IRAK3: variants seen among roughly 807,000 people sequenced by gnomAD.
The protein encoded by IRAK3 is interleukin-1 receptor-associated kinase 3.
In IRAK3, 57 loss-of-function variants were observed where a neutral mutation model predicts 56.6. That is an observed-to-expected ratio of 1.01 (90% CI 0.81 to 1.26). IRAK3 has a LOEUF of 1.26. IRAK3 is among the 50% of genes most tolerant of loss of function. IRAK3 has a pLI of 0.00. For synonymous variants in IRAK3, 258 were observed against 255.7 expected (o/e 1.01, Z -0.09); for missense variants, 703 against 719.0 (o/e 0.98, Z 0.25).
At chr12:66,222,083 A>C (rs1473283168) in intron 6 of IRAK3, among the ~76,000 whole-genome samples, 1 of 152,190 alleles carries the variant, frequency 6.6e-6, no homozygotes, top group Admixed American at 6.5e-5. Flanking sequence ...AGCTTGCTAA[A>C]TTTGTTGAGG....
At chr12:66,219,097 C>T (rs1038397961) in intron 6 of IRAK3, among the ~76,000 whole-genome samples, 1 of 151,974 alleles carries the variant, frequency 6.6e-6, no homozygotes, top group African/African-American at 2.4e-5. Flanking sequence ...ATCCATTCCT[C>T]TGTCAATGGA....
intron 1 of IRAK3, among the ~76,000 whole-genome samples, chr12:66,201,335 T>C (rs2052505428): frequency 6.6e-6 from 1 of 152,176 alleles, no homozygotes; most frequent in Admixed American, 6.5e-5. Context: ...CTAAAGCCAG[T>C]TATGGTGGTG....
intron 4 of IRAK3, 46 bp from the exon 5 acceptor site, chr12:66,211,400 T>C: frequency 7.1e-7 from 1 of 1,417,106 alleles, no homozygotes; most frequent in Non-Finnish European, 1.0e-6. Flanking sequence ...ATAATGGTGA[T>C]GTTCCTTCTT....
rs1386428164 is a variant in IRAK3, at chr12:66,252,025, G to A, written c.*3854G>A. 6.6e-6 allele frequency: 1 copy of A among 152,218 alleles called. No individual in the cohort carries two copies. Among genetic ancestry groups the A allele is most frequent in the Non-Finnish European group, 1.5e-5 (1 of 68,050 alleles). 9.4% of individuals were successfully genotyped at this position (152,218 alleles called of 1,614,324 possible). A position where few individuals can be genotyped will look rare whatever the true frequency, so the allele number is the denominator to read the frequency against. On this transcript the variant is annotated 3_prime_UTR_variant, in exon 12 of 12. Coordinates refer to ENST00000261233, the MANE Select transcript of IRAK3 (RefSeq NM_007199.3). ...ACGGAATTAAGAGAAATAGAAAAGAGCACTGACGAAGCACTCAGGATGGCT... is the reference window on the plus strand; with the variant it reads ...ACGGAATTAAGAGAAATAGAAAAGAACACTGACGAAGCACTCAGGATGGCT...
In IRAK3 at chr12:66,211,482, T is replaced by C. The variant is rs558902279; in HGVS notation, c.473T>C (p.Ile158Thr). 1.2e-6 allele frequency: 2 copies of C among 1,602,424 alleles called. No individual in the cohort carries two copies. Among genetic ancestry groups the C allele is most frequent in the Non-Finnish European group, 1.7e-6 (2 of 1,169,162 alleles). Reference protein sequence around the residue: ...LLKSSISFQNIIEGTRNFHKD... With the variant: ...LLKSSISFQNTIEGTRNFHKD... ...AAATCTTCCATCAGCTTTCAAAATATCATAGAAGGAACTAGAAATTTCCAC... is the reference window on the plus strand; with the variant it reads ...AAATCTTCCATCAGCTTTCAAAATACCATAGAAGGAACTAGAAATTTCCAC... Residue 158 changes from isoleucine (I) to threonine (T), a missense_variant, in exon 5 of 12, where the codon ATC becomes ACC. Coordinates refer to ENST00000261233, the MANE Select transcript of IRAK3 (RefSeq NM_007199.3).
chr12:66,212,553 C>T (rs749468438), intron 5 of IRAK3, among the ~76,000 whole-genome samples: 2 of 152,132 alleles, frequency 1.3e-5, no homozygotes, highest in Non-Finnish European at 2.9e-5. Context: ...ATGAATAAGG[C>T]ATAGTTCTGT....
At chr12:66,211,623 A>G (rs748245004) in intron 5 of IRAK3, 26 bp downstream of exon 5, 1 of 1,573,338 alleles carries the variant, frequency 6.4e-7, no homozygotes. Context: ...CTGTCACAGG[A>G]CATCAGTTCC....
intron 6 of IRAK3, among the ~76,000 whole-genome samples, chr12:66,226,240 T>G (rs2052784181): frequency 6.7e-6 from 1 of 148,734 alleles, no homozygotes; most frequent in Non-Finnish European, 1.5e-5. Context: ...TTGTTAGAAT[T>G]TTTTTTTTTT....
At chr12:66,203,633 A>C in intron 1 of IRAK3, 78 bp from the exon 2 acceptor site, 1 of 1,266,332 alleles carries the variant, frequency 7.9e-7, no homozygotes, top group South Asian at 1.2e-5. Flanking sequence ...AGAGGAAATA[A>C]AACATTAGGT....
intron 8 of IRAK3, chr12:66,234,582 T>C: frequency 1.2e-6 from 2 of 1,611,742 alleles, no homozygotes; most frequent in Non-Finnish European, 1.7e-6. Context: ...CCATTAGGGA[T>C]GTATTTGTTT....
Position 66,248,018 on chromosome 12 carries a change from G to T in IRAK3, c.1638G>T (p.Lys546Asn). The T allele has an allele frequency of 1.9e-6, 3 of 1,597,926 alleles. No homozygotes were observed. The highest frequency in any genetic ancestry group is 2.6e-6 in the Non-Finnish European group (3 of 1,173,372). Residue 546 changes from lysine to asparagine, a missense_variant, in exon 12 of 12, where the codon AAG becomes AAT. Physicochemically the swap from Lys to Asn is moderately conservative, Grantham distance 94. Coordinates refer to ENST00000261233, the MANE Select transcript of IRAK3 (RefSeq NM_007199.3). ...CTTGTGAAGAAAGTTGGTTCCCAAA[G>T]TATATAGTTCCATCCCAGGACTTAA... ...SSSCEESWFP[K>N]YIVPSQDLRP...
intron 6 of IRAK3, among the ~76,000 whole-genome samples, chr12:66,223,710 T>TA (rs949032065): frequency 8.2e-4 from 124 of 151,356 alleles, no homozygotes; most frequent in African/African-American, 3.0e-3. Context: ...AACATTACTT[T>TA]TTTTTATTTT....
At chr12:66,234,821 T>C in intron 8 of IRAK3, 1 of 1,603,148 alleles carries the variant, frequency 6.2e-7, no homozygotes, top group Non-Finnish European at 8.5e-7. Context: ...GAGCATATTT[T>C]CTAGTTCTTG....
chr12:66,203,677 A>G (rs754774563), intron 1 of IRAK3, 34 bp from the exon 2 acceptor site: 2 of 1,595,258 alleles, frequency 1.3e-6, no homozygotes, highest in Non-Finnish European at 8.6e-7. Flanking sequence ...AAAGTACAGT[A>G]AACAATTCTT....
chr12:66,202,046 T>C (rs2052512947), intron 1 of IRAK3, among the ~76,000 whole-genome samples: 1 of 152,212 alleles, frequency 6.6e-6, no homozygotes, highest in Non-Finnish European at 1.5e-5. Flanking sequence ...GAAAGCACTT[T>C]ATGTGCATTG....
Position 66,189,283 on chromosome 12 carries a change from G to A in IRAK3, c.-17G>A. On this transcript the variant is annotated 5_prime_UTR_variant, in exon 1 of 12. Coordinates refer to ENST00000261233, the MANE Select transcript of IRAK3 (RefSeq NM_007199.3). ...ACCTGGACTCCGCCTCGTCCCCGGGGCTCGGGCAGCCGAGCCATGGCGGGG... is the reference window on the plus strand; with the variant it reads ...ACCTGGACTCCGCCTCGTCCCCGGGACTCGGGCAGCCGAGCCATGGCGGGG... 1 of 1,535,146 alleles carries A rather than the reference G, an allele frequency of 6.5e-7. No homozygotes were observed. Among genetic ancestry groups the A allele is most frequent in the Non-Finnish European group, 8.7e-7 (1 of 1,147,028 alleles).
chr12:66,234,701 G>C, intron 8 of IRAK3: 1 of 1,605,308 alleles, frequency 6.2e-7, no homozygotes, highest in African/African-American at 1.3e-5. Context: ...AAAATGACCA[G>C]TAACAGCTTC....
At chr12:66,209,104 T>C (rs575457557) in intron 2 of IRAK3, among the ~76,000 whole-genome samples, 2 of 151,748 alleles carry the variant, frequency 1.3e-5, no homozygotes, top group African/African-American at 4.8e-5. Flanking sequence ...TAATTTTTTT[T>C]AAATTTTCTT....
At position 66,250,372 on chromosome 12, in the gene IRAK3, G is replaced by T. The variant is rs1191924406; in HGVS notation, c.*2201G>T. On this transcript the variant is annotated 3_prime_UTR_variant, in exon 12 of 12. Coordinates refer to ENST00000261233, the MANE Select transcript of IRAK3 (RefSeq NM_007199.3). ...TGTTGAAGAACAACTAATCAAAGAAGAAAATCATCAGGAATCAGGGTGAGA... is the reference window on the plus strand; with the variant it reads ...TGTTGAAGAACAACTAATCAAAGAATAAAATCATCAGGAATCAGGGTGAGA... 1.3e-5 allele frequency: 2 copies of T among 152,146 alleles called. No homozygotes were observed. The highest frequency in any genetic ancestry group is 1.9e-4 in the East Asian group (1 of 5,200). The allele number at this position is 152,146 out of a possible 1,614,324, so 9.4% of individuals were successfully genotyped here. A position where few individuals can be genotyped will look rare whatever the true frequency, so the allele number is the denominator to read the frequency against.
Sources: allele counts gnomAD v4.1 joint callset (sites outside exome capture counted in the v4.1 genomes callset), GRCh38; gene constraint gnomAD v4.1.1; transcripts MANE v1.5; gene names NCBI Gene and HGNC (gene_info 2026-07-23, HGNC 2026-07-21).